ZNF385D: variants seen among roughly 807,000 people sequenced by gnomAD.
The protein encoded by ZNF385D is zinc finger protein 385D, also known as zinc finger protein 659.
A neutral mutation model predicts 35.8 loss-of-function variants in ZNF385D; 15 were observed. That is an observed-to-expected ratio of 0.42 (90% confidence interval 0.28 to 0.64). The LOEUF is 0.64. ZNF385D is among the 30% of genes least tolerant of loss of function. The pLI, the probability that ZNF385D is intolerant of heterozygous loss-of-function variation, is 0.23. For synonymous variants in ZNF385D, 212 were observed against 186.8 expected, an observed-to-expected ratio of 1.13 and a Z score of -1.10; for missense variants, 474 against 494.6, an observed-to-expected ratio of 0.96 and a Z score of 0.39.
chr3:22,177,150 C>A (rs1265568924), intron 2 of ZNF385D, among the ~76,000 whole-genome samples: 1 of 152,170 alleles, frequency 6.6e-6, no homozygotes, highest in South Asian at 2.1e-4. Flanking sequence ...TGCCATCACA[C>A]CAGGGATGCT....
At chr3:21,933,785 A>C (rs915262081) in intron 3 of ZNF385D, among the ~76,000 whole-genome samples, 1 of 152,172 alleles carries the variant, frequency 6.6e-6, no homozygotes, top group East Asian at 1.9e-4. Context: ...GAAAACAACA[A>C]AATCTAAACA....
upstream of ZNF385D, among the ~76,000 whole-genome samples, chr3:21,752,896 A>G (rs1234050551): frequency 6.6e-6 from 1 of 152,198 alleles, no homozygotes; most frequent in Non-Finnish European, 1.5e-5. Context: ...CAAAAGAACC[A>G]TCTGTGGTAG....
intron 2 of ZNF385D, among the ~76,000 whole-genome samples, chr3:22,261,026 T>G (rs1195940987): frequency 6.6e-6 from 1 of 152,016 alleles, no homozygotes; most frequent in Admixed American, 6.6e-5. Flanking sequence ...GGGATAATTA[T>G]TTGACTCATA....
At chr3:21,843,821 T>C (rs1019426798) in intron 3 of ZNF385D, among the ~76,000 whole-genome samples, 2 of 151,966 alleles carry the variant, frequency 1.3e-5, no homozygotes, top group African/African-American at 2.4e-5. Context: ...GGTGGTAGCA[T>C]GGTATCTTCC....
At chr3:21,438,648 C>A (rs1032937129) in intron 4 of ZNF385D, among the ~76,000 whole-genome samples, 1 of 152,094 alleles carries the variant, frequency 6.6e-6, no homozygotes, top group Non-Finnish European at 1.5e-5. Flanking sequence ...TCATCTGGAT[C>A]TTGTTTCCTT....
intron 1 of ZNF385D, among the ~76,000 whole-genome samples, chr3:21,732,284 T>C (rs1002713425): frequency 6.6e-6 from 1 of 151,986 alleles, no homozygotes; most frequent in Admixed American, 6.6e-5. Context: ...ACTCCTGACC[T>C]CAGGTGATCT....
intron 3 of ZNF385D, among the ~76,000 whole-genome samples, chr3:22,137,584 A>G (rs1229518628): frequency 3.3e-5 from 5 of 152,202 alleles, no homozygotes; most frequent in Non-Finnish European, 5.9e-5. Flanking sequence ...GATTATCTCA[A>G]CAGATGCAGA....
chr3:22,201,393 A>C (rs991505246), intron 2 of ZNF385D, among the ~76,000 whole-genome samples: 5 of 152,242 alleles, frequency 3.3e-5, no homozygotes, highest in African/African-American at 1.2e-4. Flanking sequence ...TTGTGAAAAA[A>C]TAGTAGAGGT....
intron 3 of ZNF385D, among the ~76,000 whole-genome samples, chr3:22,039,438 G>A (rs1236223696): frequency 2.0e-5 from 3 of 151,984 alleles, no homozygotes; most frequent in Admixed American, 6.6e-5. Flanking sequence ...ATGGCATCCA[G>A]TGCCCTTATC....
intron 2 of ZNF385D, among the ~76,000 whole-genome samples, chr3:21,593,466 G>A (rs1478465441): frequency 6.6e-6 from 1 of 152,084 alleles, no homozygotes; most frequent in Non-Finnish European, 1.5e-5. Context: ...AAAGTTCCAC[G>A]ATTAACATAT....
chr3:22,110,658 G>C (rs1299889179), intron 3 of ZNF385D, among the ~76,000 whole-genome samples: 1 of 151,812 alleles, frequency 6.6e-6, no homozygotes, highest in Non-Finnish European at 1.5e-5. Flanking sequence ...GGAGTGGGGA[G>C]GGACAGCATT....
At chr3:21,821,421 A>G (rs1694223346) in intron 3 of ZNF385D, among the ~76,000 whole-genome samples, 1 of 152,200 alleles carries the variant, frequency 6.6e-6, no homozygotes, top group Non-Finnish European at 1.5e-5. Context: ...TAAAAGTTTA[A>G]GAGAATTCTT....
chr3:22,111,039 G>A (rs1702492417), intron 3 of ZNF385D, among the ~76,000 whole-genome samples: 1 of 151,646 alleles, frequency 6.6e-6, no homozygotes, highest in Non-Finnish European at 1.5e-5. Context: ...ATTGTTAAAG[G>A]CAAATTAAAA....
intron 3 of ZNF385D, among the ~76,000 whole-genome samples, chr3:22,121,479 C>A (rs183028289): frequency 7.8e-4 from 118 of 152,244 alleles, no homozygotes; most frequent in African/African-American, 2.7e-3. Context: ...GATTAAAGAA[C>A]CTTAAAATGG....
At chr3:22,123,853 A>G (rs1442805160) in intron 3 of ZNF385D, among the ~76,000 whole-genome samples, 1 of 149,872 alleles carries the variant, frequency 6.7e-6, no homozygotes, top group Admixed American at 6.7e-5. Flanking sequence ...CAAGAGCAAA[A>G]TTCTGTCTCA....
At chr3:21,658,278 C>T (rs1352363218) in intron 2 of ZNF385D, among the ~76,000 whole-genome samples, 2 of 152,006 alleles carry the variant, frequency 1.3e-5, no homozygotes, top group East Asian at 1.9e-4. Flanking sequence ...ATTTTTACAT[C>T]ACTGTCCTTT....
chr3:21,667,031 C>T (rs565861313), intron 1 of ZNF385D, among the ~76,000 whole-genome samples: 7 of 152,212 alleles, frequency 4.6e-5, no homozygotes, highest in East Asian at 3.9e-4. Context: ...AAGCCGAGAT[C>T]GCACCACTGT....
At chr3:21,913,185 A>C (rs1294140679) in intron 3 of ZNF385D, among the ~76,000 whole-genome samples, 1 of 152,070 alleles carries the variant, frequency 6.6e-6, no homozygotes, top group Non-Finnish European at 1.5e-5. Context: ...CCTTGAGGTC[A>C]CTAGGTGTGG....
intron 3 of ZNF385D, among the ~76,000 whole-genome samples, chr3:21,940,663 T>C (rs142971041): frequency 2.0e-5 from 3 of 152,300 alleles, no homozygotes; most frequent in East Asian, 3.9e-4. Flanking sequence ...TGTAATATAG[T>C]TCACTATATT....
Sources: allele counts gnomAD v4.1 joint callset (sites outside exome capture counted in the v4.1 genomes callset), GRCh38; gene constraint gnomAD v4.1.1; transcripts MANE v1.5; gene names NCBI Gene and HGNC (gene_info 2026-07-23, HGNC 2026-07-21).